Variants in MACROD2 observed in about 807,000 individuals in gnomAD.
The protein encoded by MACROD2 is mono-ADP ribosylhydrolase 2, also known as ADP-ribose glycohydrolase MACROD2.
In MACROD2, 36 loss-of-function variants were observed where a neutral mutation model predicts 70.4. That is an observed-to-expected ratio of 0.51 (90% CI 0.39 to 0.68). The LOEUF is 0.68. Ranked by LOEUF, MACROD2 falls within the 30% of genes least tolerant of loss-of-function variation. The pLI, the probability that MACROD2 is intolerant of heterozygous loss-of-function variation, is 0.00. For synonymous variants in MACROD2, 172 were observed against 178.8 expected, an observed-to-expected ratio of 0.96 and a Z score of 0.30; for missense variants, 496 against 538.4, an observed-to-expected ratio of 0.92 and a Z score of 0.78.
chr20:15,157,359 A>ACCCACCCCCCCCCCCCCCCC (rs1568606906), intron 5 of MACROD2, among the ~76,000 whole-genome samples: 1 of 115,306 alleles, frequency 8.7e-6, no homozygotes, highest in African/African-American at 3.3e-5. Flanking sequence ...ACCCCCCCCC[A>ACCCACCCCCCCCCCCCCCCC]CCTCCCCCCC....
intron 2 of MACROD2, among the ~76,000 whole-genome samples, chr20:14,023,481 A>G (rs763089369): frequency 2.0e-5 from 3 of 152,180 alleles, no homozygotes; most frequent in African/African-American, 4.8e-5. Context: ...GCCCATGCCT[A>G]TGTCCTGAAT....
chr20:15,890,497 G>A (rs996250875), intron 10 of MACROD2, among the ~76,000 whole-genome samples: 1 of 152,186 alleles, frequency 6.6e-6, no homozygotes, highest in Non-Finnish European at 1.5e-5. Flanking sequence ...CACTCGGTGA[G>A]CTGCTCCAAG....
intron 3 of MACROD2, among the ~76,000 whole-genome samples, chr20:14,162,206 G>A (rs949791694): frequency 6.8e-4 from 103 of 152,036 alleles, no homozygotes; most frequent in Non-Finnish European, 1.0e-4. Flanking sequence ...TTGATTTATG[G>A]TTTTATTTTG....
At chr20:14,805,363 AT>A (rs1380228255) in intron 5 of MACROD2, among the ~76,000 whole-genome samples, 5 of 152,168 alleles carry the variant, frequency 3.3e-5, no homozygotes, top group Middle Eastern at 6.8e-3. Flanking sequence ...TTTGGCTGTT[AT>A]CCTTTTTACT....
intron 8 of MACROD2, among the ~76,000 whole-genome samples, chr20:15,739,729 A>G (rs891208494): frequency 3.9e-5 from 6 of 152,228 alleles, no homozygotes; most frequent in African/African-American, 1.4e-4. Context: ...TAAGCAACAA[A>G]TATAGAATGA....
In MACROD2 at chr20:15,272,184, G is replaced by A. The variant is rs766091177; in HGVS notation, c.540+42123G>A. On this transcript the variant is annotated intron_variant, in intron 6 of 17. Transcript: ENST00000684519. ...GCTAAAAAAGGGAAATTTGAAAATT[G>A]TGTACAGATGCATAAAACTGAGTTC... Among the ~76,000 whole-genome samples the A allele has an allele frequency of 4.6e-5, 7 of 152,186 alleles. No homozygotes were observed. In the East Asian group the frequency reaches 1.3e-3, roughly 29 times the overall value.
At chr20:15,271,975 A>C (rs1379333063) in intron 6 of MACROD2, among the ~76,000 whole-genome samples, 1 of 152,250 alleles carries the variant, frequency 6.6e-6, no homozygotes, top group African/African-American at 2.4e-5. Context: ...CCTAACATTT[A>C]TAATAAAGCA....
intron 7 of MACROD2, among the ~76,000 whole-genome samples, chr20:15,433,752 C>A (rs1446110378): frequency 1.2e-4 from 18 of 147,328 alleles, no homozygotes; most frequent in South Asian, 2.1e-4. Flanking sequence ...TAATATTAAG[C>A]AAAAAAAAAA....
At chr20:15,046,681 C>G (rs1175567984) in intron 5 of MACROD2, among the ~76,000 whole-genome samples, 1 of 152,094 alleles carries the variant, frequency 6.6e-6, no homozygotes, top group African/African-American at 2.4e-5. Context: ...TTAAAGTCCC[C>G]CTTCTTCTCC....
chr20:15,923,986 G>A (rs2065451259), intron 10 of MACROD2, among the ~76,000 whole-genome samples: 1 of 152,192 alleles, frequency 6.6e-6, no homozygotes. Context: ...ATACTTGTCA[G>A]TCAGCTTTGG....
Position 14,794,430 on chromosome 20 carries a change from T to G in MACROD2, c.418+109471T>G, listed in dbSNP as rs142947721. Among the ~76,000 whole-genome samples the G allele has an allele frequency of 2.1e-3, 326 of 152,242 alleles. 2 individuals carry two copies. Among genetic ancestry groups the G allele is most frequent in the African/African-American group, 7.5e-3 (312 of 41,506 alleles). ...CTAATGTGGGAAATTAACTTGTCAT[T>G]CTTCTCCAGTTAAAATGGTTAGAAA... On this transcript the variant is annotated intron_variant, in intron 5 of 17. Transcript: ENST00000684519.
chr20:14,003,203 G>A (rs1433052644), intron 2 of MACROD2, among the ~76,000 whole-genome samples: 3 of 152,150 alleles, frequency 2.0e-5, no homozygotes, highest in Non-Finnish European at 4.4e-5. Flanking sequence ...ACTACACCGG[G>A]TACTATGGGC....
chr20:14,987,282 T>G (rs2074858126), intron 5 of MACROD2, among the ~76,000 whole-genome samples: 1 of 152,126 alleles, frequency 6.6e-6, no homozygotes, highest in South Asian at 2.1e-4. Flanking sequence ...AATGGTATGA[T>G]AGTAAAATCT....
intron 3 of MACROD2, among the ~76,000 whole-genome samples, chr20:14,438,541 G>T (rs2084084786): frequency 6.6e-6 from 1 of 152,108 alleles, no homozygotes; most frequent in African/African-American, 2.4e-5. Context: ...AGTTTACAAA[G>T]GTTCTCTTTT....
chr20:15,794,242 T>C (rs2147060987), intron 8 of MACROD2, among the ~76,000 whole-genome samples: 1 of 152,304 alleles, frequency 6.6e-6, no homozygotes, highest in African/African-American at 2.4e-5. Context: ...TTTTTTTCTT[T>C]TAGCAAGTCA....
In MACROD2 at chr20:14,138,418, C is replaced by A. The variant is rs901773243; in HGVS notation, c.271+52690C>A. On this transcript the variant is annotated intron_variant, in intron 3 of 17. Transcript: ENST00000684519. ...ATGCTATTTATATGCAGTGGAATAT[C>A]ATTCAGCCTTTAAAAAAAAGGAAAT... 3.3e-5 allele frequency among the ~76,000 whole-genome samples: 5 copies of A among 151,984 alleles called. No individual in the cohort carries two copies. The East Asian group carries it at 9.6e-4, about 29-fold the overall frequency.
chr20:15,867,882 G>A (rs1300635839), intron 9 of MACROD2, among the ~76,000 whole-genome samples: 1 of 152,162 alleles, frequency 6.6e-6, no homozygotes, highest in Non-Finnish European at 1.5e-5. Flanking sequence ...TTTGTTTACT[G>A]CAATGGTTCT....
intron 3 of MACROD2, among the ~76,000 whole-genome samples, chr20:14,452,594 G>T (rs1043149022): frequency 6.6e-6 from 1 of 152,102 alleles, no homozygotes; most frequent in Non-Finnish European, 1.5e-5. Flanking sequence ...GCTCATCTTT[G>T]ATGAAGTCGG....
At chr20:15,373,605 G>T (rs1490020562) in intron 6 of MACROD2, among the ~76,000 whole-genome samples, 1 of 152,022 alleles carries the variant, frequency 6.6e-6, no homozygotes, top group African/African-American at 2.4e-5. Context: ...GTCTCACTTT[G>T]TTGCCCAGGA....
Sources: gnomAD v4.1 joint callset for allele counts (sites outside exome capture counted in the v4.1 genomes callset) on GRCh38, gnomAD v4.1.1 for gene constraint, MANE v1.5 for transcripts, NCBI Gene and HGNC (gene_info 2026-07-23, HGNC 2026-07-21) for gene names.